MAF: variants seen among roughly 807,000 people sequenced by gnomAD.
MAF encodes MAF bZIP transcription factor.
A neutral mutation model predicts 22.0 loss-of-function variants in MAF; 10 were observed. That is an observed-to-expected ratio of 0.45 (90% confidence interval 0.28 to 0.77). The LOEUF is 0.77. Ranked by LOEUF, MAF falls within the 30% of genes least tolerant of loss-of-function variation. The probability of loss-of-function intolerance (pLI) is 0.12; values close to 1 mark genes in which losing one functional copy is unlikely to be tolerated. For synonymous variants in MAF, 337 were observed against 255.8 expected, an observed-to-expected ratio of 1.32 and a Z score of -3.03; for missense variants, 544 against 548.4, an observed-to-expected ratio of 0.99 and a Z score of 0.08.
At chr16:79,436,843 C>A in the MAF span, among the ~76,000 whole-genome samples, 1 of 152,320 alleles carries the variant, frequency 6.6e-6, no homozygotes, top group East Asian at 1.9e-4. Flanking sequence ...GACCCAGCAT[C>A]TGGAGAGTCT....
At chr16:79,549,953 G>A in the MAF span, among the ~76,000 whole-genome samples, 1 of 152,234 alleles carries the variant, frequency 6.6e-6, no homozygotes, top group East Asian at 1.9e-4. Context: ...CCAATTAACT[G>A]AGATACTACA....
chr16:79,204,450 G>A, the MAF span: 1 of 151,998 alleles, frequency 6.6e-6, no homozygotes, highest in African/African-American at 2.4e-5. Flanking sequence ...GCATGTCTAG[G>A]GTCTCACAAT....
the MAF span, among the ~76,000 whole-genome samples, chr16:79,268,701 A>T: frequency 6.6e-6 from 1 of 152,218 alleles, no homozygotes; most frequent in Non-Finnish European, 1.5e-5. Flanking sequence ...CTACCCAAGA[A>T]ACATTGCAAC....
At chr16:79,298,027 G>T in the MAF span, among the ~76,000 whole-genome samples, 1 of 152,248 alleles carries the variant, frequency 6.6e-6, no homozygotes, top group African/African-American at 2.4e-5. Flanking sequence ...GTCCAGTGCG[G>T]AATGAAAATG....
chr16:79,595,259 T>A (rs930458621), intron 1 of MAF: 1 of 1,046,168 alleles, frequency 9.6e-7, no homozygotes, highest in Non-Finnish European at 1.2e-6. Flanking sequence ...AACTAGCACA[T>A]AAAGGAAGGT....
At chr16:79,453,712 T>C in the MAF span, among the ~76,000 whole-genome samples, 3 of 152,218 alleles carry the variant, frequency 2.0e-5, no homozygotes, top group African/African-American at 7.2e-5. Flanking sequence ...AGTAGCTATC[T>C]TGAGGGTGAT....
the MAF span, among the ~76,000 whole-genome samples, chr16:79,333,984 T>C: frequency 6.6e-6 from 1 of 152,250 alleles, no homozygotes; most frequent in Non-Finnish European, 1.5e-5. Context: ...AGAGCTTTCT[T>C]AGGAGCATGC....
the MAF span, among the ~76,000 whole-genome samples, chr16:79,557,241 C>A: frequency 2.0e-5 from 3 of 151,932 alleles, no homozygotes; most frequent in African/African-American, 2.4e-5. Flanking sequence ...CTAAGAAAGA[C>A]TTTCTTGCCA....
Position 79,597,327 on chromosome 16 carries a change from C to T in MAF, c.1118+1458G>A, listed in dbSNP as rs2143780578. The T allele has an allele frequency of 3.8e-6, 4 of 1,040,736 alleles. 2 individuals carry two copies. The Admixed American group carries it at 2.2e-4, about 58-fold the overall frequency. 64.5% of individuals were successfully genotyped at this position (1,040,736 alleles called of 1,614,324 possible). ...TAAATTATATACTAGAAACCCAGAG[C>T]ATTCCACATTTGACAATGACCAAAA... On this transcript the variant is annotated intron_variant, in intron 1 of 1. Transcript: ENST00000326043.
At chr16:79,338,106 A>T in the MAF span, among the ~76,000 whole-genome samples, 7 of 152,324 alleles carry the variant, frequency 4.6e-5, no homozygotes, top group African/African-American at 1.7e-4. Context: ...GCAAGTCAGC[A>T]ATTCTAGTCT....
the MAF span, among the ~76,000 whole-genome samples, chr16:79,397,272 G>C: frequency 6.6e-6 from 1 of 152,024 alleles, no homozygotes; most frequent in Non-Finnish European, 1.5e-5. Flanking sequence ...TGCCCAAGAG[G>C]GGGAAAAAAA....
chr16:79,316,378 C>A, the MAF span, among the ~76,000 whole-genome samples: 1 of 152,212 alleles, frequency 6.6e-6, no homozygotes, highest in Non-Finnish European at 1.5e-5. Flanking sequence ...GCTGCCCACA[C>A]ACTGTGGTCT....
At chr16:79,375,787 T>A in the MAF span, among the ~76,000 whole-genome samples, 1 of 152,192 alleles carries the variant, frequency 6.6e-6, no homozygotes, top group Non-Finnish European at 1.5e-5. Flanking sequence ...CTTTTCTCTG[T>A]CCTGCTGCAT....
chr16:79,430,839 C>T, the MAF span, among the ~76,000 whole-genome samples: 1 of 152,234 alleles, frequency 6.6e-6, no homozygotes, highest in Non-Finnish European at 1.5e-5. Flanking sequence ...CTCTTGGCCT[C>T]AGCACCCTTT....
chr16:79,393,484 C>G, the MAF span, among the ~76,000 whole-genome samples: 1 of 152,228 alleles, frequency 6.6e-6, no homozygotes, highest in African/African-American at 2.4e-5. Flanking sequence ...GAGGATAATG[C>G]AGAAGACCAC....
At chr16:79,370,701 A>T in the MAF span, among the ~76,000 whole-genome samples, 1 of 152,048 alleles carries the variant, frequency 6.6e-6, no homozygotes, top group Non-Finnish European at 1.5e-5. Flanking sequence ...ATTTTTTCCA[A>T]AGCATATATC....
At chr16:79,412,516 G>A in the MAF span, among the ~76,000 whole-genome samples, 1 of 152,170 alleles carries the variant, frequency 6.6e-6, no homozygotes, top group Non-Finnish European at 1.5e-5. Context: ...TTTGGGCTGG[G>A]TAACTGTTGT....
At chr16:79,219,035 A>C in the MAF span, among the ~76,000 whole-genome samples, 2 of 152,226 alleles carry the variant, frequency 1.3e-5, no homozygotes, top group Non-Finnish European at 2.9e-5. Flanking sequence ...CATGTGCCAC[A>C]CCACTTAGAA....
At chr16:79,575,038 T>A in the MAF span, among the ~76,000 whole-genome samples, 1 of 151,350 alleles carries the variant, frequency 6.6e-6, no homozygotes, top group Non-Finnish European at 1.5e-5. Context: ...TTTTTTTTTT[T>A]AATACTGATG....
Sources: gnomAD v4.1 joint callset for allele counts (sites outside exome capture counted in the v4.1 genomes callset) on GRCh38, gnomAD v4.1.1 for gene constraint, MANE v1.5 for transcripts, NCBI Gene and HGNC (gene_info 2026-07-23, HGNC 2026-07-21) for gene names.